AK5: variants seen among roughly 807,000 people sequenced by gnomAD.
The protein encoded by AK5 is adenylate kinase 5.
In AK5, 27 loss-of-function variants were observed where a neutral mutation model predicts 69.5. That is an observed-to-expected ratio of 0.39 (90% CI 0.29 to 0.54). The LOEUF (loss-of-function observed/expected upper bound fraction) is 0.54. AK5 is among the 20% of genes least tolerant of loss of function. AK5 has a pLI of 0.71. For synonymous variants in AK5, 260 were observed against 244.4 expected (o/e 1.06, Z -0.60); for missense variants, 531 against 700.4 (o/e 0.76, Z 2.73).
chr1:77,370,147 G>A (rs1647092936), intron 6 of AK5, among the ~76,000 whole-genome samples: 1 of 152,094 alleles, frequency 6.6e-6, no homozygotes, highest in Admixed American at 6.6e-5. Flanking sequence ...AGACTAGACA[G>A]GTGTCTTCTA....
chr1:77,486,459 G>C (rs915667778), intron 10 of AK5, 107 bp downstream of exon 10: 3 of 689,966 alleles, frequency 4.3e-6, no homozygotes, highest in Non-Finnish European at 7.1e-6. Context: ...ACTGTGGGAG[G>C]CCAAGGCGGG....
intron 10 of AK5, among the ~76,000 whole-genome samples, chr1:77,497,704 C>CA (rs1230806368): frequency 1.4e-5 from 2 of 146,076 alleles, no homozygotes; most frequent in East Asian, 2.1e-4. Flanking sequence ...CCTCCCACCT[C>CA]GGCCCCCGGA....
chr1:77,499,358 T>C (rs1251153499), intron 10 of AK5, among the ~76,000 whole-genome samples: 1 of 152,188 alleles, frequency 6.6e-6, no homozygotes, highest in Non-Finnish European at 1.5e-5. Flanking sequence ...AGGTGATATT[T>C]TTTCTCATAT....
At chr1:77,483,888 G>A (rs1263691616) in intron 9 of AK5, among the ~76,000 whole-genome samples, 2 of 152,202 alleles carry the variant, frequency 1.3e-5, no homozygotes, top group African/African-American at 4.8e-5. Context: ...CAAATGGCCA[G>A]GTGCAGTGGC....
intron 2 of AK5, among the ~76,000 whole-genome samples, chr1:77,289,787 C>G (rs963439486): frequency 7.2e-6 from 1 of 139,364 alleles, no homozygotes; most frequent in Non-Finnish European, 1.5e-5. Context: ...GGGGTGAACC[C>G]GGGAGGCGGA....
chr1:77,336,691 T>G (rs2815327), intron 5 of AK5, among the ~76,000 whole-genome samples: 23,324 of 152,174 alleles, frequency 0.15, 2,263 homozygotes, highest in Non-Finnish European at 0.21. Flanking sequence ...TTCTTATTGC[T>G]CATTAACTAA....
At chr1:77,556,339 A>G (rs138640357) in intron 13 of AK5, among the ~76,000 whole-genome samples, 147 of 152,294 alleles carry the variant, frequency 9.7e-4, no homozygotes, top group Middle Eastern at 3.4e-3. Context: ...TTGCCTATGT[A>G]TGGATCCCTA....
intron 6 of AK5, among the ~76,000 whole-genome samples, chr1:77,375,613 A>C (rs1354381664): frequency 6.6e-6 from 1 of 152,314 alleles, no homozygotes; most frequent in Non-Finnish European, 1.5e-5. Context: ...CTATTCTGCA[A>C]GTCTTCCTAG....
intron 12 of AK5, among the ~76,000 whole-genome samples, chr1:77,524,831 T>C (rs6680716): frequency 0.027 from 4,067 of 152,300 alleles, 177 homozygotes; most frequent in African/African-American, 0.093. Context: ...CCATGAAGCC[T>C]TCCCTCCGTA....
chr1:77,393,546 G>A (rs1648625984), intron 6 of AK5, among the ~76,000 whole-genome samples: 1 of 152,138 alleles, frequency 6.6e-6, no homozygotes, highest in African/African-American at 2.4e-5. Flanking sequence ...AGTCATTTTG[G>A]ACTTAAAAGA....
At chr1:77,375,421 A>G (rs1304808608) in intron 6 of AK5, among the ~76,000 whole-genome samples, 1 of 152,190 alleles carries the variant, frequency 6.6e-6, no homozygotes, top group Non-Finnish European at 1.5e-5. Flanking sequence ...GGGATCTGCC[A>G]TCCCAGGCCT....
At chr1:77,355,830 A>G (rs1249645051) in intron 6 of AK5, among the ~76,000 whole-genome samples, 2 of 151,696 alleles carry the variant, frequency 1.3e-5, no homozygotes, top group Non-Finnish European at 2.9e-5. Context: ...ATGAATAGAC[A>G]TTACTGGACT....
intron 13 of AK5, among the ~76,000 whole-genome samples, chr1:77,558,326 A>G (rs1338020511): frequency 6.6e-6 from 1 of 152,176 alleles, no homozygotes; most frequent in Non-Finnish European, 1.5e-5. Context: ...GCAATGAGTG[A>G]GAGTTCCTAT....
chr1:77,547,306 A>G (rs1234901076), intron 13 of AK5, among the ~76,000 whole-genome samples: 8 of 117,530 alleles, frequency 6.8e-5, no homozygotes, highest in Non-Finnish European at 9.9e-5. Flanking sequence ...ACAGAGTCTC[A>G]CTCTGTCACC....
chr1:77,412,266 C>T (rs1274567560), intron 7 of AK5, among the ~76,000 whole-genome samples: 2 of 152,076 alleles, frequency 1.3e-5, no homozygotes. Context: ...GTTTCTGTAC[C>T]AATAGGAAAC....
chr1:77,386,211 G>A (rs576500638), intron 6 of AK5, among the ~76,000 whole-genome samples: 14 of 152,294 alleles, frequency 9.2e-5, no homozygotes, highest in Admixed American at 9.2e-4. Flanking sequence ...TAGGCTGTGT[G>A]TGAAATTTAG....
intron 5 of AK5, among the ~76,000 whole-genome samples, chr1:77,316,395 T>C (rs1162273287): frequency 6.6e-6 from 1 of 152,160 alleles, no homozygotes; most frequent in East Asian, 1.9e-4. Flanking sequence ...CATTGCCATT[T>C]AAGGAGTCTA....
chr1:77,402,596 T>C (rs1303138148), intron 6 of AK5, among the ~76,000 whole-genome samples: 4 of 152,110 alleles, frequency 2.6e-5, no homozygotes, highest in African/African-American at 9.7e-5. Context: ...ATTTCCAGCT[T>C]CATCCATGTC....
intron 7 of AK5, among the ~76,000 whole-genome samples, chr1:77,413,102 G>A (rs1650157821): frequency 6.6e-6 from 1 of 151,962 alleles, no homozygotes; most frequent in East Asian, 1.9e-4. Flanking sequence ...AGTACCCTTA[G>A]CACAGAAGAA....
Sources: allele counts gnomAD v4.1 joint callset (sites outside exome capture counted in the v4.1 genomes callset), GRCh38; gene constraint gnomAD v4.1.1; transcripts MANE v1.5; gene names NCBI Gene and HGNC (gene_info 2026-07-23, HGNC 2026-07-21).